The following NELL1 variants were observed in gnomAD, a reference collection of about 807,000 sequenced individuals.
The protein encoded by NELL1 is neural EGFL like 1, also known as protein kinase C-binding protein NELL1.
In NELL1, 76 loss-of-function variants were observed where a neutral mutation model predicts 107.4. The observed-to-expected ratio is 0.71, with a 90% CI of 0.59 to 0.86. The LOEUF (loss-of-function observed/expected upper bound fraction) is 0.86. NELL1 is among the 40% of genes least tolerant of loss of function. The pLI is 0.00. For synonymous variants in NELL1, 353 were observed against 341.2 expected, an observed-to-expected ratio of 1.03 and a Z score of -0.38; for missense variants, 1,024 against 1,005.5, an observed-to-expected ratio of 1.02 and a Z score of -0.25.
At chr11:20,874,039 G>A (rs1012072799) in intron 4 of NELL1, among the ~76,000 whole-genome samples, 7 of 151,610 alleles carry the variant, frequency 4.6e-5, no homozygotes, top group African/African-American at 7.3e-5. Flanking sequence ...TGCTGGGATT[G>A]CAGGCATGAG....
chr11:21,357,162 G>A (rs1365487262), intron 14 of NELL1, among the ~76,000 whole-genome samples: 1 of 152,170 alleles, frequency 6.6e-6, no homozygotes. Flanking sequence ...CCTCCGGGTA[G>A]ATACCCTGTA....
chr11:21,261,433 T>C (rs1405116156), intron 14 of NELL1, among the ~76,000 whole-genome samples: 1 of 151,744 alleles, frequency 6.6e-6, no homozygotes, highest in Non-Finnish European at 1.5e-5. Flanking sequence ...ATTATTTAGA[T>C]GGACCTAAAA....
At chr11:21,222,221 C>T (rs1009542561) in intron 13 of NELL1, among the ~76,000 whole-genome samples, 4 of 151,946 alleles carry the variant, frequency 2.6e-5, no homozygotes, top group Admixed American at 6.6e-5. Context: ...GCTCTGTCGC[C>T]GAGGCTGGAT....
At chr11:20,909,117 A>C (rs1180886366) in intron 5 of NELL1, among the ~76,000 whole-genome samples, 1 of 152,218 alleles carries the variant, frequency 6.6e-6, no homozygotes, top group Non-Finnish European at 1.5e-5. Context: ...ATGAAATATC[A>C]AAAATAGGCA....
intron 15 of NELL1, among the ~76,000 whole-genome samples, chr11:21,516,161 AT>A (rs1855556600): frequency 6.6e-6 from 1 of 152,174 alleles, no homozygotes; most frequent in South Asian, 2.1e-4. Flanking sequence ...ATCATGCACC[AT>A]TCTGTGGCCT....
intron 3 of NELL1, among the ~76,000 whole-genome samples, chr11:20,806,140 T>TTTTTA (rs761796942): frequency 0.013 from 1,892 of 150,812 alleles, 17 homozygotes; most frequent in Admixed American, 0.02. Flanking sequence ...TTTTTTTTTT[T>TTTTTA]ATCAGATTGA....
chr11:21,458,084 A>T (rs61885940), intron 15 of NELL1, among the ~76,000 whole-genome samples: 1,686 of 152,282 alleles, frequency 0.011, 20 homozygotes, highest in Non-Finnish European at 0.019. Flanking sequence ...GAGAAGAAGG[A>T]TAAGATGGTA....
chr11:21,007,060 A>G (rs530498397), intron 12 of NELL1, among the ~76,000 whole-genome samples: 8 of 152,080 alleles, frequency 5.3e-5, no homozygotes, highest in Non-Finnish European at 1.2e-4. Flanking sequence ...CTTTATTCCT[A>G]TGATTAGAAC....
At chr11:20,674,611 G>A in intron 1 of NELL1, 3 of 1,203,160 alleles carry the variant, frequency 2.5e-6, no homozygotes, top group Middle Eastern at 1.9e-4. Context: ...TGAGGAAACT[G>A]AGGCTTGATA....
intron 3 of NELL1, among the ~76,000 whole-genome samples, chr11:20,788,884 C>T (rs1189659471): frequency 6.6e-6 from 1 of 152,090 alleles, no homozygotes; most frequent in Non-Finnish European, 1.5e-5. Context: ...TCACATTTAT[C>T]TCTTAGATGT....
chr11:21,533,695 A>G (rs1001753595), intron 15 of NELL1, among the ~76,000 whole-genome samples: 1 of 152,216 alleles, frequency 6.6e-6, no homozygotes, highest in African/African-American at 2.4e-5. Flanking sequence ...CTCAAGAATG[A>G]TTGAAGAATG....
At chr11:21,071,452 T>C (rs1429323576) in intron 12 of NELL1, among the ~76,000 whole-genome samples, 1 of 152,244 alleles carries the variant, frequency 6.6e-6, no homozygotes, top group Non-Finnish European at 1.5e-5. Context: ...ATCATTATCA[T>C]TAAGTTACTA....
chr11:21,142,499 G>A (rs1220830833), intron 13 of NELL1, among the ~76,000 whole-genome samples: 1 of 152,206 alleles, frequency 6.6e-6, no homozygotes, highest in Non-Finnish European at 1.5e-5. Flanking sequence ...AAAATAGGAT[G>A]GGACAGAGGT....
intron 16 of NELL1, among the ~76,000 whole-genome samples, chr11:21,539,637 C>T (rs1434795668): frequency 2.0e-5 from 3 of 151,298 alleles, no homozygotes; most frequent in African/African-American, 7.3e-5. Context: ...CATTCAGATG[C>T]TCCTTCTCTT....
chr11:21,366,359 G>T (rs1027551799), intron 14 of NELL1, among the ~76,000 whole-genome samples: 3 of 152,238 alleles, frequency 2.0e-5, no homozygotes, highest in African/African-American at 7.2e-5. Flanking sequence ...AACATGACCA[G>T]ATTTTAATGA....
intron 14 of NELL1, among the ~76,000 whole-genome samples, chr11:21,359,193 C>A (rs1590867080): frequency 6.6e-6 from 1 of 152,046 alleles, no homozygotes; most frequent in Non-Finnish European, 1.5e-5. Flanking sequence ...CATAAAGTCA[C>A]ACTGAATTTT....
At chr11:21,372,328 C>T (rs1271649368) in intron 15 of NELL1, among the ~76,000 whole-genome samples, 3 of 151,174 alleles carry the variant, frequency 2.0e-5, no homozygotes, top group African/African-American at 4.9e-5. Flanking sequence ...TGTAGAACTG[C>T]TGTATTTCCC....
At chr11:20,772,050 C>T (rs779769900) in intron 2 of NELL1, among the ~76,000 whole-genome samples, 15 of 152,178 alleles carry the variant, frequency 9.9e-5, no homozygotes, top group Non-Finnish European at 1.9e-4. Flanking sequence ...TGATGCCCTA[C>T]TGTTTACTAT....
At chr11:21,385,444 G>T (rs1851721627) in intron 15 of NELL1, among the ~76,000 whole-genome samples, 1 of 151,822 alleles carries the variant, frequency 6.6e-6, no homozygotes, top group Non-Finnish European at 1.5e-5. Context: ...GATATTTTTG[G>T]ATCATATGTA....
Sources: allele counts gnomAD v4.1 joint callset (sites outside exome capture counted in the v4.1 genomes callset), GRCh38; gene constraint gnomAD v4.1.1; transcripts MANE v1.5; gene names NCBI Gene and HGNC (gene_info 2026-07-23, HGNC 2026-07-21).